Variants in BCAS3 observed in about 807,000 individuals in gnomAD.
BCAS3 encodes BCAS3 microtubule associated cell migration factor.
BCAS3 carries 53 observed loss-of-function variants against 116.1 expected under a neutral mutation model. The observed-to-expected ratio is 0.46, with a 90% CI of 0.37 to 0.57. The LOEUF is 0.57. Ranked by LOEUF, BCAS3 falls within the 20% of genes least tolerant of loss-of-function variation. BCAS3 has a pLI of 0.00. For synonymous variants in BCAS3, 391 were observed against 408.2 expected (o/e 0.96, Z 0.51); for missense variants, 917 against 1,165.4 (o/e 0.79, Z 3.10).
intron 6 of BCAS3, among the ~76,000 whole-genome samples, chr17:60,767,265 A>T (rs921406073): frequency 1.3e-5 from 2 of 151,596 alleles, no homozygotes; most frequent in Admixed American, 6.6e-5. Context: ...AGAAATCACC[A>T]ATCTTCTGCG....
At chr17:61,383,111 TCTC>T (rs2059681850) in intron 23 of BCAS3, 1 of 151,644 alleles carries the variant, frequency 6.6e-6, no homozygotes, top group South Asian at 2.1e-4. Context: ...CTCTCATACC[TCTC>T]CTCCTTCGTG....
At chr17:61,125,352 G>A (rs2075996509) in intron 22 of BCAS3, among the ~76,000 whole-genome samples, 1 of 152,084 alleles carries the variant, frequency 6.6e-6, no homozygotes, top group Admixed American at 6.5e-5. Flanking sequence ...GCATTATTCT[G>A]TGTCCTTTCT....
intron 9 of BCAS3, among the ~76,000 whole-genome samples, chr17:60,886,179 C>CTACATTTCA (rs2056619366): frequency 6.9e-6 from 1 of 144,492 alleles, no homozygotes; most frequent in African/African-American, 2.6e-5. Context: ...TCCCTTCTCG[C>CTACATTTCA]TTCATTTCAT....
chr17:61,364,040 G>A lies in BCAS3; in HGVS notation c.2426-4287G>A, dbSNP rs182157939. On this transcript the variant is annotated intron_variant, in intron 22 of 23. Transcript: ENST00000407086. This position sits in a 1 kb window ranked among gnomAD's most constrained non-coding sequence, Gnocchi z 5.4. ...TTGCTGTCCTCAGCAAAGAGGCTAC[G>A]AGGTGTGGAAGGGAAAGAGACAGCG... 2.8e-4 allele frequency among the ~76,000 whole-genome samples: 43 copies of A among 152,334 alleles called. No individual in the cohort carries two copies. Among genetic ancestry groups the A allele is most frequent in the Admixed American group, 1.2e-3 (18 of 15,306 alleles).
At chr17:60,829,690 T>G (rs2050747621) in intron 7 of BCAS3, among the ~76,000 whole-genome samples, 2 of 152,194 alleles carry the variant, frequency 1.3e-5, no homozygotes, top group Non-Finnish European at 2.9e-5. Context: ...TCATAAGTTG[T>G]TCTCACTATC....
chr17:61,321,084 T>C (rs1027469398), intron 22 of BCAS3, among the ~76,000 whole-genome samples: 6 of 152,224 alleles, frequency 3.9e-5, no homozygotes, highest in Non-Finnish European at 1.5e-5. Flanking sequence ...AGACTAGAAC[T>C]CATGTCTTCT....
chr17:60,737,684 T>G (rs1328407325), intron 5 of BCAS3, among the ~76,000 whole-genome samples: 1 of 152,104 alleles, frequency 6.6e-6, no homozygotes, highest in East Asian at 1.9e-4. Flanking sequence ...TGTTTAATCT[T>G]CAAATATTTG....
chr17:60,843,960 T>C (rs1053882868), intron 7 of BCAS3, among the ~76,000 whole-genome samples: 1 of 152,206 alleles, frequency 6.6e-6, no homozygotes, highest in Non-Finnish European at 1.5e-5. Context: ...GCACAAAGTA[T>C]ACAACTAATA....
chr17:60,687,185 C>T (rs567288379), intron 3 of BCAS3, among the ~76,000 whole-genome samples: 1 of 152,132 alleles, frequency 6.6e-6, no homozygotes, highest in Non-Finnish European at 1.5e-5. Flanking sequence ...TAAATCTTTT[C>T]AGTAGTGAGG....
At chr17:61,096,586 AC>A (rs1222943149) in intron 22 of BCAS3, among the ~76,000 whole-genome samples, 1 of 152,130 alleles carries the variant, frequency 6.6e-6, no homozygotes, top group African/African-American at 2.4e-5. Context: ...GTTTCCAGCA[AC>A]TTTTCCAAAT....
intron 22 of BCAS3, among the ~76,000 whole-genome samples, chr17:61,338,916 A>T (rs1452789164): frequency 7.7e-6 from 1 of 130,184 alleles, no homozygotes; most frequent in Non-Finnish European, 1.7e-5. Flanking sequence ...AAAAAAAAAA[A>T]GCAGAAAGGA....
intron 7 of BCAS3, among the ~76,000 whole-genome samples, chr17:60,851,911 T>A (rs572852582): frequency 6.6e-6 from 1 of 152,310 alleles, no homozygotes; most frequent in South Asian, 2.1e-4. Context: ...ATGCTTTTTT[T>A]TAAGAGGTGA....
In BCAS3 at chr17:61,378,251, GC is replaced by G. The variant is rs1378093048; in HGVS notation, c.2593+9760del. The G allele has an allele frequency of 2.0e-5, 3 of 152,296 alleles. No individual in the cohort carries two copies. The highest frequency in any genetic ancestry group is 2.9e-5 in the Non-Finnish European group (2 of 68,096). 9.4% of individuals were successfully genotyped at this position (152,296 alleles called of 1,614,324 possible). Reference sequence around the variant, plus strand: ...TCCCCAGCATGCACCCTGTTACCTGGCCCTGGTGCATGTTGGTCACCCCTCA... The same window carrying G: ...TCCCCAGCATGCACCCTGTTACCTGGCCTGGTGCATGTTGGTCACCCCTCA... On this transcript the variant is annotated intron_variant, in intron 23 of 23. Coordinates refer to ENST00000407086, the MANE Select transcript of BCAS3 (RefSeq NM_017679.5). This position sits in a 1 kb window ranked among gnomAD's most constrained non-coding sequence, Gnocchi z 5.8.
rs565006628 is a variant in BCAS3 at position 60,740,508 on chromosome 17, A to G, written c.322-6690A>G. ...GGTGAGACCCTGTCTCAAAAAAAAAAAAAAAAAGAAAAAAGAAAAAAAAGG... is the reference window on the plus strand; with the variant it reads ...GGTGAGACCCTGTCTCAAAAAAAAAGAAAAAAAGAAAAAAGAAAAAAAAGG... On this transcript the variant is annotated intron_variant, in intron 5 of 23. Transcript: ENST00000407086. Among the ~76,000 whole-genome samples, 5 of 151,718 alleles carry G rather than the reference A, an allele frequency of 3.3e-5. No individual in the cohort carries two copies. The East Asian group carries it at 9.7e-4, about 29-fold the overall frequency.
intron 10 of BCAS3, among the ~76,000 whole-genome samples, chr17:60,901,564 A>G (rs1382830313): frequency 6.6e-6 from 1 of 152,146 alleles, no homozygotes; most frequent in African/African-American, 2.4e-5. Context: ...TGTAACAGAG[A>G]TTGCTTAAAA....
intron 7 of BCAS3, among the ~76,000 whole-genome samples, chr17:60,832,020 A>G (rs773864694): frequency 1.3e-5 from 2 of 152,194 alleles, no homozygotes; most frequent in Admixed American, 1.3e-4. Flanking sequence ...GCTGCAGTGC[A>G]TACTTCTGAG....
At chr17:60,726,204 A>AATT (rs781199537) in intron 5 of BCAS3, among the ~76,000 whole-genome samples, 14 of 109,486 alleles carry the variant, frequency 1.3e-4, no homozygotes, top group Admixed American at 2.1e-4. Context: ...CAGAGGGAGG[A>AATT]TTTTTTTTTT....
intron 4 of BCAS3, among the ~76,000 whole-genome samples, chr17:60,700,185 A>AAAAAAAAAAAAAAAAAG (rs1319555739): frequency 0.029 from 4,184 of 145,898 alleles, 369 homozygotes; most frequent in African/African-American, 0.11. Flanking sequence ...AAAAAAAAAA[A>AAAAAAAAAAAAAAAAAG]GAAGCAGTTC....
At chr17:60,868,800 C>T in intron 8 of BCAS3, 117 bp downstream of exon 8, 2 of 555,866 alleles carry the variant, frequency 3.6e-6, no homozygotes, top group Non-Finnish European at 6.1e-6. Context: ...CTCAAGGAAA[C>T]ACCTTCTGAA....
Sources: allele counts gnomAD v4.1 joint callset (sites outside exome capture counted in the v4.1 genomes callset), GRCh38; gene constraint gnomAD v4.1.1; non-coding constraint Gnocchi (gnomAD v3.1); transcripts MANE v1.5; gene names NCBI Gene and HGNC (gene_info 2026-07-23, HGNC 2026-07-21).